Variants in STXBP5 observed in about 807,000 individuals in gnomAD.
STXBP5 encodes the protein syntaxin-binding protein 5.
STXBP5 carries 50 observed loss-of-function variants against 152.4 expected under a neutral mutation model. The observed-to-expected ratio is 0.33, with a 90% confidence interval of 0.26 to 0.42. The LOEUF (loss-of-function observed/expected upper bound fraction) is 0.42. Among genes scored for constraint, STXBP5 ranks in the 10% least tolerant of loss-of-function variants. STXBP5 has a pLI of 1.00. For synonymous variants in STXBP5, 492 were observed against 494.7 expected, an observed-to-expected ratio of 0.99 and a Z score of 0.07; for missense variants, 1,167 against 1,388.6, an observed-to-expected ratio of 0.84 and a Z score of 2.54.
Position 147,291,135 on chromosome 6 carries a change from C to T in STXBP5, c.880C>T (p.Pro294Ser). 4.3e-6 allele frequency: 7 copies of T among 1,612,720 alleles called. No homozygotes were observed. Among genetic ancestry groups the T allele is most frequent in the Non-Finnish European group, 5.9e-6 (7 of 1,179,282 alleles). ...KDGKKPEPCK[P>S]ILKVEFKTTR... ...TGGGAAGAAGCCAGAACCATGCAAA[C>T]CTATCCTCAAGGTGGAATTCAAAAC... Residue 294 changes from proline to serine, a missense_variant, in exon 9 of 28, where the codon CCT becomes TCT. Physicochemically the swap from Pro to Ser is moderately conservative, Grantham distance 74. This residue lies in a region of STXBP5 where 24 missense variants were observed against 56.2 expected (regional missense o/e 0.43). Transcript: ENST00000321680.
intron 26 of STXBP5, 88 bp downstream of exon 26, chr6:147,373,930 A>T (rs1318321243): frequency 4.0e-6 from 3 of 748,756 alleles, no homozygotes; most frequent in Non-Finnish European, 4.3e-6. Context: ...AATTATGTTC[A>T]CTTTTTTTCT....
At chr6:147,341,798 T>C (rs998678203) in intron 21 of STXBP5, among the ~76,000 whole-genome samples, 3 of 152,040 alleles carry the variant, frequency 2.0e-5, no homozygotes, top group Non-Finnish European at 2.9e-5. Flanking sequence ...ACAGCTGAGG[T>C]AGCTGAGACT....
chr6:147,207,607 A>G (rs760302605), intron 2 of STXBP5, among the ~76,000 whole-genome samples: 5 of 152,162 alleles, frequency 3.3e-5, no homozygotes, highest in Admixed American at 2.6e-4. Flanking sequence ...GTGTTCAGCA[A>G]AACTCTGTAG....
intron 18 of STXBP5, among the ~76,000 whole-genome samples, chr6:147,333,896 T>C (rs2128393245): frequency 6.6e-6 from 1 of 152,352 alleles, no homozygotes; most frequent in South Asian, 2.1e-4. Flanking sequence ...ACCAGGCAAA[T>C]TTATAACATA....
chr6:147,313,601 A>G (rs1782489878), intron 11 of STXBP5, among the ~76,000 whole-genome samples: 1 of 152,112 alleles, frequency 6.6e-6, no homozygotes, highest in Admixed American at 6.6e-5. Flanking sequence ...TAAAATGCCT[A>G]TGTCGTAAGT....
At chr6:147,240,382 G>A (rs1291227240) in intron 4 of STXBP5, among the ~76,000 whole-genome samples, 3 of 152,088 alleles carry the variant, frequency 2.0e-5, no homozygotes, top group African/African-American at 7.2e-5. Flanking sequence ...TTGTATACAT[G>A]TGTAGTTGTA....
intron 21 of STXBP5, among the ~76,000 whole-genome samples, chr6:147,345,237 T>C (rs912341554): frequency 1.3e-5 from 2 of 152,166 alleles, no homozygotes; most frequent in Non-Finnish European, 2.9e-5. Context: ...TAAACACACA[T>C]TAAATGCTGG....
chr6:147,345,074 C>T (rs965844572), intron 21 of STXBP5, among the ~76,000 whole-genome samples: 5 of 152,004 alleles, frequency 3.3e-5, no homozygotes, highest in African/African-American at 1.2e-4. Context: ...TTTCAGAAGT[C>T]GTCTTTTTGA....
chr6:147,254,769 A>G (rs1779273114), intron 4 of STXBP5, among the ~76,000 whole-genome samples: 1 of 152,240 alleles, frequency 6.6e-6, no homozygotes, highest in Non-Finnish European at 1.5e-5. Context: ...ACAATGAGAT[A>G]TCATCTCACA....
chr6:147,351,335 G>A (rs1243485861), intron 21 of STXBP5, among the ~76,000 whole-genome samples: 2 of 152,132 alleles, frequency 1.3e-5, no homozygotes, highest in African/African-American at 2.4e-5. Context: ...TAGAGAGGCG[G>A]CATCCATATC....
At chr6:147,229,538 G>A (rs1391022944) in intron 2 of STXBP5, among the ~76,000 whole-genome samples, 1 of 151,446 alleles carries the variant, frequency 6.6e-6, no homozygotes, top group Non-Finnish European at 1.5e-5. Flanking sequence ...TTTATTTAGG[G>A]TTTCTTTCAG....
intron 1 of STXBP5, among the ~76,000 whole-genome samples, chr6:147,205,667 T>C (rs1776511890): frequency 6.6e-6 from 1 of 152,148 alleles, no homozygotes; most frequent in South Asian, 2.1e-4. Flanking sequence ...ATTGCAAACT[T>C]TAGTCATCTG....
At chr6:147,278,717 A>C (rs1419035151) in intron 8 of STXBP5, among the ~76,000 whole-genome samples, 1 of 152,148 alleles carries the variant, frequency 6.6e-6, no homozygotes, top group Non-Finnish European at 1.5e-5. Context: ...CATTGCTGTG[A>C]TTTATTACAA....
chr6:147,362,486 G>A (rs575492808), intron 23 of STXBP5, among the ~76,000 whole-genome samples: 37 of 152,072 alleles, frequency 2.4e-4, no homozygotes, highest in Non-Finnish European at 5.4e-4. Context: ...ATTAACTGAA[G>A]CAAGTCAAAA....
At chr6:147,256,629 A>G (rs1039092151) in intron 4 of STXBP5, among the ~76,000 whole-genome samples, 2 of 152,224 alleles carry the variant, frequency 1.3e-5, no homozygotes, top group Admixed American at 6.5e-5. Flanking sequence ...CTTCGAAAAG[A>G]TAACTCTTGT....
intron 25 of STXBP5, among the ~76,000 whole-genome samples, chr6:147,368,735 GTGTGTT>G (rs1022121782): frequency 4.6e-5 from 7 of 151,988 alleles, no homozygotes; most frequent in African/African-American, 1.7e-4. Context: ...GAATTAATCA[GTGTGTT>G]TGGCAAAGAT....
intron 11 of STXBP5, among the ~76,000 whole-genome samples, chr6:147,312,627 A>G (rs1345036323): frequency 1.3e-5 from 2 of 152,128 alleles, no homozygotes; most frequent in African/African-American, 2.4e-5. Flanking sequence ...GTAGAACATT[A>G]TCTCGTCCAA....
At chr6:147,239,134 T>C (rs1582826446) in intron 3 of STXBP5, 36 bp from the exon 4 acceptor site, 3 of 1,563,498 alleles carry the variant, frequency 1.9e-6, no homozygotes, top group East Asian at 2.2e-5. Flanking sequence ...TTATAAAATA[T>C]ATTATACATG....
intron 7 of STXBP5, among the ~76,000 whole-genome samples, chr6:147,270,505 C>T (rs970092659): frequency 7.3e-5 from 11 of 151,076 alleles, no homozygotes; most frequent in Non-Finnish European, 1.2e-4. Context: ...AATTTGTCAA[C>T]CTAGAACTTT....
Sources: gnomAD v4.1 joint callset for allele counts (sites outside exome capture counted in the v4.1 genomes callset) on GRCh38, gnomAD v4.1.1 for gene constraint, gnomAD v4.1.1 regional missense constraint, MANE v1.5 for transcripts, NCBI Gene and HGNC (gene_info 2026-07-23, HGNC 2026-07-21) for gene names.